The following BCAR1 variants were observed in gnomAD, a reference collection of about 807,000 sequenced individuals.
BCAR1 encodes breast cancer anti-estrogen resistance protein 1.
Under a neutral mutation model 67.6 loss-of-function variants are expected in BCAR1, and 30 were observed. The ratio of observed to expected loss-of-function variants is 0.44; its 90% confidence interval spans 0.33 to 0.60. The LOEUF is 0.60. BCAR1 is among the 20% of genes least tolerant of loss of function. BCAR1 has a pLI of 0.02. For synonymous variants in BCAR1, 626 were observed against 556.7 expected (o/e 1.12, Z -1.75); for missense variants, 1,313 against 1,222.3 (o/e 1.07, Z -1.11).
Position 75,229,303 on chromosome 16 carries a change from G to A in BCAR1, c.*208C>T, listed in dbSNP as rs72802389. On this transcript the variant is annotated 3_prime_UTR_variant, in exon 7 of 7. Coordinates refer to ENST00000162330, the MANE Select transcript of BCAR1 (RefSeq NM_014567.5). ...TGCATGCTGGGGAAGGCCACTGGCC[G>A]GCCCCTGGGCTTCGGCTCCTGAGGA... 4,719 of 811,010 alleles carry A rather than the reference G, an allele frequency of 5.8e-3. 48 individuals are homozygous for A. Among genetic ancestry groups the A allele is most frequent in the African/African-American group, 0.035 (2,021 of 57,376 alleles). The allele number at this position is 811,010 out of a possible 1,614,324, so 50.2% of individuals were successfully genotyped here. A position where few individuals can be genotyped will look rare whatever the true frequency, so the allele number is the denominator to read the frequency against.
rs765322151 is a variant in BCAR1 at position 75,236,983 on chromosome 16, G to C, written c.811C>G (p.Pro271Ala). Residue 271 changes from proline (P) to alanine (A), a missense_variant, in exon 4 of 7, where the codon CCC (proline) becomes GCC (alanine). This residue lies in a region of BCAR1 where 1,272 missense variants were observed against 1,137.5 expected (regional missense o/e 1.12). Coordinates refer to ENST00000162330, the MANE Select transcript of BCAR1 (RefSeq NM_014567.5). Reference sequence around the variant, plus strand: ...CCATTGGGACCCTTGACAGCCATGGGGGGTGTGTCATACACCTGGGGCAGA... The same window carrying C: ...CCATTGGGACCCTTGACAGCCATGGCGGGTGTGTCATACACCTGGGGCAGA... ...QYGQEVYDTP[P>A]MAVKGPNGRD... is the part of the protein sequence containing the mutation. 6.2e-7 allele frequency: 1 copy of C among 1,605,620 alleles called. No individual in the cohort carries two copies. The highest frequency in any genetic ancestry group is 1.7e-5 in the Admixed American group (1 of 59,536).
At chr16:75,258,886 G>C (rs1266924880) in intron 1 of BCAR1, among the ~76,000 whole-genome samples, 1 of 152,154 alleles carries the variant, frequency 6.6e-6, no homozygotes, top group Non-Finnish European at 1.5e-5. Context: ...GCAGCAAGGA[G>C]TGTCTGCCTG....
chr16:75,236,492 C>T (rs1273487462), intron 4 of BCAR1: 5 of 349,666 alleles, frequency 1.4e-5, no homozygotes, highest in Non-Finnish European at 2.6e-5. Context: ...AGGTGTGCGA[C>T]TGAGCTCTGT....
intron 6 of BCAR1, among the ~76,000 whole-genome samples, chr16:75,230,624 C>T (rs962603299): frequency 6.6e-6 from 1 of 152,182 alleles, no homozygotes; most frequent in East Asian, 1.9e-4. Context: ...ACTCCCGTGC[C>T]TAGGAGTCAG....
intron 4 of BCAR1, chr16:75,236,210 C>T: frequency 1.7e-6 from 1 of 603,730 alleles, no homozygotes; most frequent in South Asian, 2.2e-5. Flanking sequence ...CTTCACAATT[C>T]CTATCCATGA....
rs375276812 is a variant in BCAR1, at chr16:75,235,769, C to A, written c.1130G>T (p.Gly377Val). 7 of 1,592,738 alleles carry A rather than the reference C, an allele frequency of 4.4e-6. No individual in the cohort carries two copies. The highest frequency in any genetic ancestry group is 4.5e-5 in the East Asian group (2 of 44,614). The change falls in exon 5 of 7, where the codon GGC becomes GTC. Residue 377 changes from glycine to valine, a missense_variant. By Grantham distance (109) the Gly-to-Val change is moderately radical. Coordinates refer to ENST00000162330, the MANE Select transcript of BCAR1 (RefSeq NM_014567.5). ...PAPDLYDVPP[G>V]LRRPGPGTLY... ...GGTGCCCGGGCCAGGCCGCCGCAAG[C>A]CAGGGGGCACGTCGTAGAGGTCAGG...
intron 4 of BCAR1, 200 bp downstream of exon 4, chr16:75,236,682 C>A (rs555581735): frequency 9.1e-7 from 1 of 1,104,930 alleles, no homozygotes; most frequent in Non-Finnish European, 1.2e-6. Flanking sequence ...TCGCAACAGG[C>A]GGTTCTGCCG....
At chr16:75,246,861 G>C (rs1036088159) in intron 1 of BCAR1, 1 of 152,284 alleles carries the variant, frequency 6.6e-6, no homozygotes, top group Admixed American at 6.5e-5. Flanking sequence ...GACCCAAGCT[G>C]GGCCAGTCAG....
chr16:75,237,471 C>G, intron 2 of BCAR1, 127 bp from the exon 3 acceptor site: 1 of 1,174,648 alleles, frequency 8.5e-7, no homozygotes. Flanking sequence ...ACGGGGCTCC[C>G]CAAGGATGCC....
intron 1 of BCAR1, among the ~76,000 whole-genome samples, chr16:75,265,588 C>G (rs146946023): frequency 0.023 from 3,522 of 152,064 alleles, 83 homozygotes; most frequent in Middle Eastern, 0.11. Context: ...CCCGAGGGGA[C>G]AGTACGGACC....
In BCAR1 at chr16:75,234,258, C is replaced by T. The variant is rs143736552; in HGVS notation, c.2011-323G>A. Among the ~76,000 whole-genome samples the T allele has an allele frequency of 2.0e-3, 298 of 151,968 alleles. 1 individual carries two copies. The highest frequency in any genetic ancestry group is 6.4e-3 in the African/African-American group (264 of 41,412). ...CCCCCCAGGCTGGCACATGCGGGGA[C>T]ACACAGAGAAGGTGGCTTCCTAGGA... On this transcript the variant is annotated intron_variant, in intron 5 of 6. Coordinates refer to ENST00000162330, the MANE Select transcript of BCAR1 (RefSeq NM_014567.5).
chr16:75,257,931 G>A (rs962128576), intron 1 of BCAR1, among the ~76,000 whole-genome samples: 3 of 152,162 alleles, frequency 2.0e-5, no homozygotes, highest in African/African-American at 2.4e-5. Context: ...ACTCCAACTC[G>A]CCGTGGGCCT....
At chr16:75,239,373 G>A (rs574342750) in intron 2 of BCAR1, among the ~76,000 whole-genome samples, 3 of 152,240 alleles carry the variant, frequency 2.0e-5, no homozygotes, top group Admixed American at 1.3e-4. Context: ...CCACTGCCAG[G>A]TGCACGCACA....
chr16:75,266,832 C>T, intron 1 of BCAR1: 1 of 1,293,494 alleles, frequency 7.7e-7, no homozygotes. Flanking sequence ...TCAGCGCTGC[C>T]CACCCCAGGG....
In BCAR1 at chr16:75,235,940, G is replaced by A. The variant is rs1488021352; in HGVS notation, c.959C>T (p.Pro320Leu). The A allele has an allele frequency of 1.3e-6, 2 of 1,573,604 alleles. No homozygotes were observed. The highest frequency in any genetic ancestry group is 1.3e-5 in the African/African-American group (1 of 74,236). ...PSVSKDVPDG[P>L]LLREETYDVP... ...ATCGTAGGTCTCCTCACGCAGCAGTGGGCCATCGGGCACATCCTTGCTCAC... is the reference window on the plus strand; with the variant it reads ...ATCGTAGGTCTCCTCACGCAGCAGTAGGCCATCGGGCACATCCTTGCTCAC... Residue 320 changes from proline to leucine, a missense_variant, in exon 5 of 7, where the codon CCA (proline) becomes CTA (leucine). Pro to Leu is a moderately conservative substitution (Grantham distance 98, BLOSUM62 -3). Transcript: ENST00000162330.
rs1259041656 is a variant in BCAR1, at chr16:75,251,490, G to C, written c.-8C>G. 32 of 1,391,614 alleles carry C rather than the reference G, an allele frequency of 2.3e-5. No homozygotes were observed. The highest frequency in any genetic ancestry group is 3.1e-5 in the East Asian group (1 of 31,946). The allele number at this position is 1,391,614 out of a possible 1,614,324, so 86.2% of individuals were successfully genotyped here. A position where few individuals can be genotyped will look rare whatever the true frequency, so the allele number is the denominator to read the frequency against. On this transcript the variant is annotated 5_prime_UTR_variant, in exon 1 of 7. Transcript: ENST00000162330. ...CCTCACCAGGTGGTTCATGGTGTCC[G>C]GCGGGCCTGGGGCCCCGGCTCTCGC...
intron 1 of BCAR1, 115 bp downstream of exon 1, chr16:75,251,356 G>A (rs1298319190): frequency 4.4e-6 from 6 of 1,376,610 alleles, no homozygotes; most frequent in African/African-American, 3.1e-5. Flanking sequence ...CGCGGACCCC[G>A]GCCGGCGGTT....
intron 1 of BCAR1, chr16:75,265,074 T>C (rs2077974751): frequency 6.6e-6 from 1 of 152,258 alleles, no homozygotes; most frequent in Non-Finnish European, 1.5e-5. Flanking sequence ...TGTGGAAACA[T>C]GGCCCGGGGG....
chr16:75,238,594 G>GC (rs2077222382), intron 2 of BCAR1: 18 of 989,064 alleles, frequency 1.8e-5, no homozygotes, highest in South Asian at 9.2e-5. Context: ...GCCTGGCAGA[G>GC]CCCCCCGCAG....
Sources: gnomAD v4.1 joint callset for allele counts (sites outside exome capture counted in the v4.1 genomes callset) on GRCh38, gnomAD v4.1.1 for gene constraint, gnomAD v4.1.1 regional missense constraint, MANE v1.5 for transcripts, NCBI Gene and HGNC (gene_info 2026-07-23, HGNC 2026-07-21) for gene names.